The following TSEN15 variants were observed in gnomAD, a reference collection of about 807,000 sequenced individuals.
TSEN15 encodes the protein tRNA-splicing endonuclease subunit Sen15.
A neutral mutation model predicts 20.5 loss-of-function variants in TSEN15; 10 were observed. The ratio of observed to expected loss-of-function variants is 0.49; its 90% confidence interval spans 0.30 to 0.83. The LOEUF (loss-of-function observed/expected upper bound fraction) is 0.83. Among genes scored for constraint, TSEN15 ranks in the 40% least tolerant of loss-of-function variants. The pLI, the probability that TSEN15 is intolerant of heterozygous loss-of-function variation, is 0.06. For synonymous variants in TSEN15, 72 were observed against 80.1 expected (o/e 0.90, Z 0.54); for missense variants, 180 against 218.6 (o/e 0.82, Z 1.11).
At position 184,051,838 on chromosome 1, in the gene TSEN15, G is replaced by C. The variant is rs1650058176; in HGVS notation, c.83G>C (p.Gly28Ala). ...PGGVRGFGDG[G>A]GAPSWAPEDA... The stretch of plus-strand genomic sequence containing the variant: ...GGTGTTCGCGGCTTTGGCGACGGCG[G>C]TGGAGCTCCTTCGTGGGCCCCTGAG... The change falls in exon 1 of 5, where the codon GGT (glycine) becomes GCT (alanine). Residue 28 changes from glycine (G) to alanine (A), a missense_variant. This residue lies in a region of TSEN15 where 76 missense variants were observed against 66.5 expected (regional missense o/e 1.14). Coordinates refer to ENST00000645668, the MANE Select transcript of TSEN15 (RefSeq NM_052965.4). The C allele has an allele frequency of 6.5e-7, 1 of 1,549,648 alleles. No individual in the cohort carries two copies. The highest frequency in any genetic ancestry group is 1.9e-5 in the Admixed American group (1 of 51,898).
Position 184,054,289 on chromosome 1 carries a change from A to G in TSEN15, c.136-65A>G, listed in dbSNP as rs960376202. 12 of 1,055,700 alleles carry G rather than the reference A, an allele frequency of 1.1e-5. No individual in the cohort carries two copies. In the South Asian group the frequency reaches 1.8e-4, roughly 16 times the overall value. The allele number at this position is 1,055,700 out of a possible 1,614,324, so 65.4% of individuals were successfully genotyped here. On this transcript the variant is annotated intron_variant, in intron 1 of 4. Transcript: ENST00000645668. ...ATTATATATGCTTGATGACCACTTG[A>G]TGATTGGAAGAAAATATTAAATAAT...
At chr1:184,057,800 A>G (rs547747690) in intron 3 of TSEN15, among the ~76,000 whole-genome samples, 52 of 152,238 alleles carry the variant, frequency 3.4e-4, no homozygotes, top group African/African-American at 1.2e-3. Context: ...TTCTTTGAGA[A>G]GCTCCTTACT....
At chr1:184,075,058 A>G (rs1201994303), downstream of TSEN15, among the ~76,000 whole-genome samples, 1 of 152,164 alleles carries the variant, frequency 6.6e-6, no homozygotes, top group African/African-American at 2.4e-5. Flanking sequence ...ATTTTCAGAA[A>G]GAAGTGTAAG....
At chr1:184,091,426 A>AT (rs1439818909) in intron 3 of TSEN15, among the ~76,000 whole-genome samples, 1 of 152,026 alleles carries the variant, frequency 6.6e-6, no homozygotes, top group Non-Finnish European at 1.5e-5. Context: ...AGTGATGATA[A>AT]TTCCTACTTT....
rs1650843171 is a variant in TSEN15 at position 184,070,524 on chromosome 1, G to A, written c.354-1633G>A. 2.6e-5 allele frequency: 12 copies of A among 456,110 alleles called. No homozygotes were observed. The South Asian group carries it at 2.8e-4, about 11-fold the overall frequency. The allele number at this position is 456,110 out of a possible 1,614,324, so 28.3% of individuals were successfully genotyped here. On this transcript the variant is annotated intron_variant, in intron 3 of 4. Transcript: ENST00000645668. ...AAGTTAAAATTTTAGTTGATCCATT[G>A]TCTGTTTCTTCTTTGCCATCTTTGT...
chr1:184,088,569 A>G (rs1461762018), intron 3 of TSEN15, among the ~76,000 whole-genome samples: 1 of 143,146 alleles, frequency 7.0e-6, no homozygotes, highest in Non-Finnish European at 1.5e-5. Flanking sequence ...TCAGTGAAGA[A>G]AAAAATGTTT....
intron 3 of TSEN15, among the ~76,000 whole-genome samples, chr1:184,063,321 A>C (rs917191205): frequency 6.6e-6 from 1 of 152,226 alleles, no homozygotes; most frequent in Non-Finnish European, 1.5e-5. Context: ...GCTCCTTTGC[A>C]AGCTTAGCTA....
downstream of TSEN15, among the ~76,000 whole-genome samples, chr1:184,077,266 C>A (rs1044425536): frequency 6.6e-6 from 1 of 152,250 alleles, no homozygotes; most frequent in East Asian, 1.9e-4. Flanking sequence ...TCTACTTATA[C>A]TCTATAAGTG....
At chr1:184,072,321 G>T (rs768269293) in intron 4 of TSEN15, 23 bp downstream of exon 4, 1 of 1,576,850 alleles carries the variant, frequency 6.3e-7, no homozygotes. Flanking sequence ...GTAACTGACA[G>T]CAAGAAGTAC....
chr1:184,084,040 C>T (rs1415629192), intron 3 of TSEN15, among the ~76,000 whole-genome samples: 2 of 152,156 alleles, frequency 1.3e-5, no homozygotes, highest in Non-Finnish European at 2.9e-5. Context: ...AGAGTTTTGA[C>T]TTCAGAAAAC....
At chr1:184,052,703 G>A (rs1650099183) in intron 1 of TSEN15, among the ~76,000 whole-genome samples, 1 of 152,068 alleles carries the variant, frequency 6.6e-6, no homozygotes, top group African/African-American at 2.4e-5. Flanking sequence ...AGCTTCTCTT[G>A]CTTAATTTTA....
At chr1:184,059,931 C>T (rs1462208272) in intron 3 of TSEN15, among the ~76,000 whole-genome samples, 1 of 152,186 alleles carries the variant, frequency 6.6e-6, no homozygotes, top group East Asian at 1.9e-4. Context: ...TACCAGTTTA[C>T]ACTTGCACTT....
chr1:184,089,856 A>G (rs1395745119), intron 3 of TSEN15, among the ~76,000 whole-genome samples: 1 of 152,142 alleles, frequency 6.6e-6, no homozygotes, highest in Admixed American at 6.5e-5. Context: ...GTAGAAGAGA[A>G]GCGATGCTTC....
intron 3 of TSEN15, among the ~76,000 whole-genome samples, chr1:184,092,472 C>G (rs1402898227): frequency 6.6e-6 from 1 of 152,160 alleles, no homozygotes; most frequent in African/African-American, 2.4e-5. Flanking sequence ...TTGAAACATA[C>G]ATTGCTATAA....
In TSEN15 at chr1:184,072,255, T is replaced by C. The variant is rs749782700; in HGVS notation, c.452T>C (p.Val151Ala). 3.1e-6 allele frequency: 5 copies of C among 1,613,256 alleles called. No individual in the cohort carries two copies. In the African/African-American group the frequency reaches 4.0e-5, roughly 13 times the overall value. The change falls in exon 4 of 5, where the codon GTC (valine) becomes GCC (alanine). Residue 151 changes from valine to alanine, a missense_variant. Coordinates refer to ENST00000645668, the MANE Select transcript of TSEN15 (RefSeq NM_052965.4). ...LAIVESDSTIVYYKLTDGFML... is the reference protein window; with the variant it reads ...LAIVESDSTIAYYKLTDGFML... ...ATAGTGGAGTCTGATTCTACAATAG[T>C]CTATTATAAACTTACTGATGGATTT...
intron 4 of TSEN15, chr1:184,072,558 A>T: frequency 1.8e-6 from 1 of 555,176 alleles, no homozygotes; most frequent in East Asian, 3.1e-5. Context: ...TATTTTATGA[A>T]GTCATCATGC....
At chr1:184,078,122 G>T (rs1280371452), downstream of TSEN15, among the ~76,000 whole-genome samples, 1 of 151,970 alleles carries the variant, frequency 6.6e-6, no homozygotes, top group Non-Finnish European at 1.5e-5. Flanking sequence ...TTAAGACTTT[G>T]CCACAGCCAC....
At chr1:184,056,857 C>T (rs1250694395) in intron 3 of TSEN15, among the ~76,000 whole-genome samples, 2 of 152,112 alleles carry the variant, frequency 1.3e-5, no homozygotes, top group Non-Finnish European at 2.9e-5. Flanking sequence ...GTCCTTTTGC[C>T]AATACCATAT....
At chr1:184,056,876 C>T (rs1572703062) in intron 3 of TSEN15, among the ~76,000 whole-genome samples, 1 of 152,194 alleles carries the variant, frequency 6.6e-6, no homozygotes, top group Admixed American at 6.5e-5. Context: ...ATCTCTTAAT[C>T]GCTTGCTTGG....
Sources: allele counts gnomAD v4.1 joint callset (sites outside exome capture counted in the v4.1 genomes callset), GRCh38; gene constraint gnomAD v4.1.1; regional missense constraint gnomAD v4.1.1; transcripts MANE v1.5; gene names NCBI Gene and HGNC (gene_info 2026-07-23, HGNC 2026-07-21).